ALDOC: variants seen among roughly 807,000 people sequenced by gnomAD.
ALDOC encodes aldolase, fructose-bisphosphate C, also known as fructose-bisphosphate aldolase C.
ALDOC carries 23 observed loss-of-function variants against 39.5 expected under a neutral mutation model. That is an observed-to-expected ratio of 0.58 (90% CI 0.42 to 0.82). The LOEUF (loss-of-function observed/expected upper bound fraction) is 0.82. Ranked by LOEUF, ALDOC falls within the 40% of genes least tolerant of loss-of-function variation. The pLI is 0.00. For missense variants in ALDOC, 356 were observed against 479.1 expected (o/e 0.74, Z 2.40); for synonymous variants, 160 against 182.6 (o/e 0.88, Z 1.00).
chr17:28,574,039 A>C, intron 7 of ALDOC, 28 bp downstream of exon 7: 2 of 1,597,716 alleles, frequency 1.3e-6, no homozygotes, highest in Non-Finnish European at 1.7e-6. Context: ...CCTTAGGGAT[A>C]GGAGCAGGTT....
At chr17:28,576,097 CT>C in intron 1 of ALDOC, 1 of 665,702 alleles carries the variant, frequency 1.5e-6, no homozygotes, top group Non-Finnish European at 1.9e-6. Flanking sequence ...GCAGCTTCTC[CT>C]TTTCTGTACT....
chr17:28,576,033 G>T, intron 1 of ALDOC: 1 of 1,001,116 alleles, frequency 1.0e-6, no homozygotes, highest in Non-Finnish European at 1.2e-6. Flanking sequence ...AGAGGAAAAG[G>T]TTGGAAGAAC....
At position 28,573,634 on chromosome 17, in the gene ALDOC, G is replaced by T. The variant is rs545952798; in HGVS notation, c.1000-13C>A. 5 of 1,614,136 alleles carry T rather than the reference G, an allele frequency of 3.1e-6. No homozygotes were observed. In the East Asian group the frequency reaches 8.9e-5, roughly 29 times the overall value. ...CAAGCCCATTCACCTGCAAAAGGGA[G>T]CGTGGAGTAAGCAGGCTGAGCCAGC... On this transcript the variant is annotated splice_polypyrimidine_tract_variant and intron_variant, in intron 8 of 8. Transcript: ENST00000226253. This position sits in a 1 kb window ranked among gnomAD's most constrained non-coding sequence, Gnocchi z 4.3.
Position 28,573,752 on chromosome 17 carries a change from A to G in ALDOC, c.982T>C (p.Phe328Leu). 6.2e-7 allele frequency: 1 copy of G among 1,614,012 alleles called. No individual in the cohort carries two copies. The highest frequency in any genetic ancestry group is 8.5e-7 in the Non-Finnish European group (1 of 1,179,984). ...RDNAGAATEE[F>L]IKRAEVNGLA... The stretch of plus-strand genomic sequence containing the variant: ...CTCCCAACCTCAGCCCGCTTGATGA[A>G]CTCCTCAGTGGCAGCCCCAGCATTG... Residue 328 changes from phenylalanine (F) to leucine (L), a missense_variant, in exon 8 of 9, where the codon TTC (phenylalanine) becomes CTC (leucine). Physicochemically the swap from Phe to Leu is conservative, Grantham distance 22 (BLOSUM62 0). Coordinates refer to ENST00000226253, the MANE Select transcript of ALDOC (RefSeq NM_005165.3). The surrounding 1 kb of genome is among the most constrained non-coding windows in gnomAD (Gnocchi z 4.3).
rs753575809 is a variant in ALDOC, at chr17:28,575,473, G to A, written c.60C>T (p.Ala20=). The change falls in exon 2 of 9, where the codon GCC becomes GCT. Residue 20 remains alanine, a synonymous_variant. Coordinates refer to ENST00000226253, the MANE Select transcript of ALDOC (RefSeq NM_005165.3). The surrounding 1 kb of genome is among the most constrained non-coding windows in gnomAD (Gnocchi z 4.3). ...AEQKKELSDI[A]LRIVAPGKGI... is the part of the protein sequence containing the mutation. ...CTTTGCCCGGGGCTACAATCCGCAG[G>A]GCAATGTCAGACAACTCCTTCTTCT... 3 of 1,614,198 alleles carry A rather than the reference G, an allele frequency of 1.9e-6. No homozygotes were observed. Among genetic ancestry groups the A allele is most frequent in the South Asian group, 1.1e-5 (1 of 91,088 alleles).
rs1322354453 is a variant in ALDOC at position 28,575,792 on chromosome 17, G to A, written c.-12-248C>T. ...CTGGGGAAAGATGCAGGGTGGGGGT[G>A]GGGAGGTGAGCAGCCCTGAAGCCAC... On this transcript the variant is annotated intron_variant, in intron 1 of 8. Coordinates refer to ENST00000226253, the MANE Select transcript of ALDOC (RefSeq NM_005165.3). The surrounding 1 kb of genome is among the most constrained non-coding windows in gnomAD (Gnocchi z 4.3). 1.2e-5 allele frequency: 7 copies of A among 594,664 alleles called. No individual in the cohort carries two copies. Among genetic ancestry groups the A allele is most frequent in the African/African-American group, 7.5e-5 (4 of 53,314 alleles). The allele number at this position is 594,664 out of a possible 1,614,324, so 36.8% of individuals were successfully genotyped here.
Position 28,573,257 on chromosome 17 carries a change from G to A in ALDOC, c.*269C>T, listed in dbSNP as rs2151515995. ...GAAGCTACCTCATCATGGGAAAATT[G>A]TGGGAGCTGGAAGAGGTAGGGGGAG... On this transcript the variant is annotated 3_prime_UTR_variant, in exon 9 of 9. Transcript: ENST00000226253. This position sits in a 1 kb window ranked among gnomAD's most constrained non-coding sequence, Gnocchi z 4.3. 1 of 543,058 alleles carries A rather than the reference G, an allele frequency of 1.8e-6. No homozygotes were observed. Among genetic ancestry groups the A allele is most frequent in the Non-Finnish European group, 3.3e-6 (1 of 300,998 alleles). The allele number at this position is 543,058 out of a possible 1,614,324, so 33.6% of individuals were successfully genotyped here.
rs748256845 is a variant in ALDOC at position 28,574,588 on chromosome 17, G to A, written c.541-11C>T. ...AGGCACAATGCCATTCTGCAGGCAAGAGCAGAGATGCTTGGGAGGGGCAGT... is the reference window on the plus strand; with the variant it reads ...AGGCACAATGCCATTCTGCAGGCAAAAGCAGAGATGCTTGGGAGGGGCAGT... On this transcript the variant is annotated splice_polypyrimidine_tract_variant and intron_variant, in intron 5 of 8. Coordinates refer to ENST00000226253, the MANE Select transcript of ALDOC (RefSeq NM_005165.3). The A allele has an allele frequency of 3.1e-6, 5 of 1,613,974 alleles. No homozygotes were observed. The highest frequency in any genetic ancestry group is 2.7e-5 in the African/African-American group (2 of 74,902).
At position 28,575,494 on chromosome 17, in the gene ALDOC, C is replaced by T. The variant is rs1423663899; in HGVS notation, c.39G>A (p.Lys13=). Reference sequence around the variant, plus strand: ...GCAGGGCAATGTCAGACAACTCCTTCTTCTGCTCAGCAGAAAGGGCTGGGT... The same window carrying T: ...GCAGGGCAATGTCAGACAACTCCTTTTTCTGCTCAGCAGAAAGGGCTGGGT... The part of the protein sequence containing the change: ...HSYPALSAEQ[K]KELSDIALRI... Residue 13 remains lysine (K), a synonymous_variant, in exon 2 of 9, where the codon AAG becomes AAA. Transcript: ENST00000226253. The surrounding 1 kb of genome is among the most constrained non-coding windows in gnomAD (Gnocchi z 4.3). The T allele has an allele frequency of 6.2e-7, 1 of 1,614,220 alleles. No individual in the cohort carries two copies. The highest frequency in any genetic ancestry group is 1.7e-5 in the Admixed American group (1 of 60,020).
Position 28,573,751 on chromosome 17 carries a change from A to G in ALDOC, c.983T>C (p.Phe328Ser). The G allele has an allele frequency of 6.2e-7, 1 of 1,614,186 alleles. No homozygotes were observed. ...GCTCCCAACCTCAGCCCGCTTGATG[A>G]ACTCCTCAGTGGCAGCCCCAGCATT... ...RDNAGAATEE[F>S]IKRAEVNGLA... is the part of the protein sequence containing the mutation. Residue 328 changes from phenylalanine (F) to serine (S), a missense_variant, in exon 8 of 9, where the codon TTC (phenylalanine) becomes TCC (serine). Phe to Ser is a radical substitution (Grantham distance 155, BLOSUM62 -2). Coordinates refer to ENST00000226253, the MANE Select transcript of ALDOC (RefSeq NM_005165.3). The surrounding 1 kb of genome is among the most constrained non-coding windows in gnomAD (Gnocchi z 4.3).
chr17:28,575,109 G>T lies in ALDOC; in HGVS notation c.324+14C>A. 6.2e-7 allele frequency: 1 copy of T among 1,614,160 alleles called. No individual in the cohort carries two copies. ...ACACCCAGCTTCCATTCAGAGCAGG[G>T]CCAGGGGCTGCACCTTGATGCCCAC... is the stretch of plus-strand genomic sequence containing the variant. On this transcript the variant is annotated intron_variant, in intron 3 of 8. Coordinates refer to ENST00000226253, the MANE Select transcript of ALDOC (RefSeq NM_005165.3). The surrounding 1 kb of genome is among the most constrained non-coding windows in gnomAD (Gnocchi z 4.3).
intron 1 of ALDOC, chr17:28,576,347 G>A (rs2070490178): frequency 6.6e-6 from 1 of 152,452 alleles, no homozygotes; most frequent in East Asian, 1.9e-4. Context: ...CAGACGGGAG[G>A]GCAGAGGACC....
rs553608756 is a variant in ALDOC at position 28,574,134 on chromosome 17, A to G, written c.732T>C (p.Tyr244=). The G allele has an allele frequency of 1.1e-5, 17 of 1,611,408 alleles. No homozygotes were observed. The Admixed American group carries it at 2.5e-4, about 24-fold the overall frequency. ...TTGCCATGGCAATCTCCTCTGGGGT[A>G]TACTTGATGGGACAGGCATGGCCCG... ...VTPGHACPIK[Y]TPEEIAMATV... is the part of the protein sequence containing the mutation. The change falls in exon 7 of 9, where the codon TAT becomes TAC. Residue 244 remains tyrosine, a synonymous_variant. Coordinates refer to ENST00000226253, the MANE Select transcript of ALDOC (RefSeq NM_005165.3).
chr17:28,575,551 T>A lies in ALDOC; in HGVS notation c.-12-7A>T, dbSNP rs768843332. On this transcript the variant is annotated splice_region_variant and splice_polypyrimidine_tract_variant and intron_variant, in intron 1 of 8. Transcript: ENST00000226253. The surrounding 1 kb of genome is among the most constrained non-coding windows in gnomAD (Gnocchi z 4.3). ...GAGGCATGGTGACAGCTCCCTGGAGTGGAGACAAGATAAAAAAGCCAGACC... is the reference window on the plus strand; with the variant it reads ...GAGGCATGGTGACAGCTCCCTGGAGAGGAGACAAGATAAAAAAGCCAGACC... The A allele has an allele frequency of 6.2e-7, 1 of 1,612,350 alleles. No homozygotes were observed. The highest frequency in any genetic ancestry group is 1.1e-5 in the South Asian group (1 of 91,012).
chr17:28,575,063 C>A lies in ALDOC; in HGVS notation c.325-57G>T, dbSNP rs1302933465. On this transcript the variant is annotated intron_variant, in intron 3 of 8. Coordinates refer to ENST00000226253, the MANE Select transcript of ALDOC (RefSeq NM_005165.3). The surrounding 1 kb of genome is among the most constrained non-coding windows in gnomAD (Gnocchi z 4.3). ...CCAGGCAGGATTCTCCTTGCTACCC[C>A]TCCTACACAAGCTTATTTTCACACC... 2.5e-6 allele frequency: 4 copies of A among 1,613,972 alleles called. No homozygotes were observed. The highest frequency in any genetic ancestry group is 3.4e-6 in the Non-Finnish European group (4 of 1,179,942).
chr17:28,574,719 G>A lies in ALDOC; in HGVS notation c.517C>T (p.Arg173Cys), dbSNP rs747367976. 1.3e-5 allele frequency: 21 copies of A among 1,614,052 alleles called. No homozygotes were observed. The highest frequency in any genetic ancestry group is 5.0e-5 in the Admixed American group (3 of 60,010). ...AILENANVLA[R>C]YASICQQNGI... ...ACCTGCTGGCAGATACTGGCATAAC[G>A]GGCCAGCACGTTGGCGTTCTCCAGA... The change falls in exon 5 of 9, where the codon CGT becomes TGT. Residue 173 changes from arginine to cysteine, a missense_variant. Coordinates refer to ENST00000226253, the MANE Select transcript of ALDOC (RefSeq NM_005165.3).
chr17:28,573,312 A>G lies in ALDOC; in HGVS notation c.*214T>C, dbSNP rs1250889381. The G allele has an allele frequency of 8.4e-6, 5 of 594,438 alleles. No homozygotes were observed. Among genetic ancestry groups the G allele is most frequent in the Non-Finnish European group, 1.5e-5 (5 of 331,970 alleles). 36.8% of individuals were successfully genotyped at this position (594,438 alleles called of 1,614,324 possible). On this transcript the variant is annotated 3_prime_UTR_variant, in exon 9 of 9. Coordinates refer to ENST00000226253, the MANE Select transcript of ALDOC (RefSeq NM_005165.3). The surrounding 1 kb of genome is among the most constrained non-coding windows in gnomAD (Gnocchi z 4.3). ...AGCCATCCTGTTCTGACTTCTAGCA[A>G]TTTCTTCTGCCCTCAGTCATGAGGG...
At position 28,575,552 on chromosome 17, in the gene ALDOC, G is replaced by A. The variant is rs775020820; in HGVS notation, c.-12-8C>T. On this transcript the variant is annotated splice_region_variant and splice_polypyrimidine_tract_variant and intron_variant, in intron 1 of 8. Coordinates refer to ENST00000226253, the MANE Select transcript of ALDOC (RefSeq NM_005165.3). The surrounding 1 kb of genome is among the most constrained non-coding windows in gnomAD (Gnocchi z 4.3). ...AGGCATGGTGACAGCTCCCTGGAGT[G>A]GAGACAAGATAAAAAAGCCAGACCT... 2 of 1,612,468 alleles carry A rather than the reference G, an allele frequency of 1.2e-6. No homozygotes were observed. The highest frequency in any genetic ancestry group is 4.5e-5 in the East Asian group (2 of 44,870).
intron 7 of ALDOC, 57 bp downstream of exon 7, chr17:28,574,010 A>G: frequency 4.4e-6 from 7 of 1,605,202 alleles, no homozygotes; most frequent in South Asian, 2.2e-5. Context: ...GAAGGCCACA[A>G]GAAGGACCTG....
Sources: allele counts gnomAD v4.1 joint callset, GRCh38; gene constraint gnomAD v4.1.1; non-coding constraint Gnocchi (gnomAD v3.1); transcripts MANE v1.5; gene names NCBI Gene and HGNC (gene_info 2026-07-23, HGNC 2026-07-21).